FCGRT: variants seen among roughly 807,000 people sequenced by gnomAD.
FCGRT encodes the protein Fc gamma receptor and transporter.
A neutral mutation model predicts 35.7 loss-of-function variants in FCGRT; 13 were observed. The observed-to-expected ratio is 0.36, with a 90% confidence interval of 0.24 to 0.58. The LOEUF (loss-of-function observed/expected upper bound fraction) is 0.58. Ranked by LOEUF, FCGRT falls within the 20% of genes least tolerant of loss-of-function variation. The probability of loss-of-function intolerance (pLI) is 0.77; values close to 1 mark genes in which losing one functional copy is unlikely to be tolerated. For synonymous variants in FCGRT, 233 were observed against 216.5 expected (o/e 1.08, Z -0.67); for missense variants, 455 against 474.9 (o/e 0.96, Z 0.39).
intron 5 of FCGRT, 84 bp downstream of exon 5, chr19:49,524,860 C>A (rs757686523): frequency 6.2e-6 from 8 of 1,298,106 alleles, no homozygotes; most frequent in Non-Finnish European, 8.6e-6. Flanking sequence ...GTCTGACCTT[C>A]CTCCCCACTG....
At chr19:49,516,976 TCCCAGGAGTTCAA>T (rs1212608258) in intron 4 of FCGRT, among the ~76,000 whole-genome samples, 3 of 150,762 alleles carry the variant, frequency 2.0e-5, no homozygotes, top group Non-Finnish European at 4.4e-5. Context: ...GATTGCTTGA[TCCCAGGAGTTCAA>T]GACCAGCCTG....
At chr19:49,520,397 G>C (rs150009985) in intron 4 of FCGRT, among the ~76,000 whole-genome samples, 1 of 149,598 alleles carries the variant, frequency 6.7e-6, no homozygotes, top group Non-Finnish European at 1.5e-5. Flanking sequence ...GCAGGCTGGA[G>C]TACAATGGCA....
In FCGRT at chr19:49,514,691, CT is replaced by C. The variant is rs559894159; in HGVS notation, c.601+222del. 2.8e-3 allele frequency among the ~76,000 whole-genome samples: 378 copies of C among 137,004 alleles called. 2 individuals are homozygous for C. The highest frequency in any genetic ancestry group is 6.1e-3 in the African/African-American group (224 of 36,766). The allele number at this position is 137,004 out of a possible 152,430, so 89.9% of individuals were successfully genotyped here. On this transcript the variant is annotated intron_variant, in intron 4 of 6. Coordinates refer to ENST00000221466, the MANE Select transcript of FCGRT (RefSeq NM_001136019.3). ...AACTCCTGGCTTCCTTCCTTGCCTT[CT>C]TTTTTTTTTTTTTTTTGTGAGACGG...
intron 5 of FCGRT, chr19:49,525,095 C>T (rs1440851177): frequency 1.8e-6 from 1 of 560,368 alleles, no homozygotes; most frequent in South Asian, 1.7e-5. Context: ...GGAATCTGAC[C>T]ATTCGTTGTC....
At chr19:49,521,317 A>T (rs906965708) in intron 4 of FCGRT, 2 of 152,260 alleles carry the variant, frequency 1.3e-5, no homozygotes, top group Admixed American at 1.3e-4. Context: ...CACGCCTGTA[A>T]TCCCAGCACT....
rs2122675335 is a variant in FCGRT, at chr19:49,517,536, G to A, written c.601+3050G>A. ...AGAGAGGAGAGGGAGAGAGAAAGAG[G>A]AAGGAAAGGAAGGAAGGAAGGAAGG... On this transcript the variant is annotated intron_variant, in intron 4 of 6. Coordinates refer to ENST00000221466, the MANE Select transcript of FCGRT (RefSeq NM_001136019.3). Among the ~76,000 whole-genome samples, 2 of 147,054 alleles carry A rather than the reference G, an allele frequency of 1.4e-5. 1 individual carries two copies. The highest frequency in any genetic ancestry group is 3.0e-5 in the Non-Finnish European group (2 of 67,362).
At position 49,513,890 on chromosome 19, in the gene FCGRT, C is replaced by G; in HGVS notation, c.82C>G (p.Leu28Val). The change falls in exon 3 of 7, where the codon CTC (leucine) becomes GTC (valine). Residue 28 changes from leucine (L) to valine (V), a missense_variant. Physicochemically the swap from Leu to Val is conservative, Grantham distance 32. Coordinates refer to ENST00000221466, the MANE Select transcript of FCGRT (RefSeq NM_001136019.3). ...LPGSLGAESH[L>V]SLLYHLTAVS... ...TCTGTTTCTGTCTGCAGAAAGCCAC[C>G]TCTCCCTCCTGTACCACCTTACCGC... The G allele has an allele frequency of 6.3e-7, 1 of 1,596,482 alleles. No homozygotes were observed. The highest frequency in any genetic ancestry group is 8.5e-7 in the Non-Finnish European group (1 of 1,170,060).
chr19:49,513,709 C>T lies in FCGRT; in HGVS notation c.74-173C>T. 5.3e-6 allele frequency: 3 copies of T among 568,582 alleles called. No homozygotes were observed. In the East Asian group the frequency reaches 8.5e-5, roughly 16 times the overall value. The allele number at this position is 568,582 out of a possible 1,614,324, so 35.2% of individuals were successfully genotyped here. A position where few individuals can be genotyped will look rare whatever the true frequency, so the allele number is the denominator to read the frequency against. ...TCTCTGTCCCCCTCTCTTTCTGGGT[C>T]TCTTGTCTCTCTCTCTCTGGGTCTC... On this transcript the variant is annotated intron_variant, in intron 2 of 6. Coordinates refer to ENST00000221466, the MANE Select transcript of FCGRT (RefSeq NM_001136019.3).
At chr19:49,521,619 C>T (rs1056255563) in intron 4 of FCGRT, 1 of 149,612 alleles carries the variant, frequency 6.7e-6, no homozygotes, top group Non-Finnish European at 1.5e-5. Flanking sequence ...ATCCTTCTGC[C>T]TTGACCTCCC....
At chr19:49,521,050 T>C (rs1242913243) in intron 4 of FCGRT, 2 of 152,344 alleles carry the variant, frequency 1.3e-5, no homozygotes, top group African/African-American at 2.4e-5. Flanking sequence ...TGCTGAAATC[T>C]TTGCCTTTTA....
intron 4 of FCGRT, among the ~76,000 whole-genome samples, chr19:49,520,242 G>T (rs1406414951): frequency 1.3e-5 from 2 of 149,256 alleles, no homozygotes; most frequent in Admixed American, 6.8e-5. Context: ...TGATCCTCCT[G>T]CCTCAGCCTC....
In FCGRT at chr19:49,513,439, C is replaced by T. The variant is rs1162068507; in HGVS notation, c.39C>T (p.Leu13=). The T allele has an allele frequency of 3.2e-6, 4 of 1,243,918 alleles. No homozygotes were observed. The highest frequency in any genetic ancestry group is 1.6e-5 in the African/African-American group (1 of 64,268). The allele number at this position is 1,243,918 out of a possible 1,614,324, so 77.1% of individuals were successfully genotyped here. A position where few individuals can be genotyped will look rare whatever the true frequency, so the allele number is the denominator to read the frequency against. Residue 13 remains leucine (L), a synonymous_variant, in exon 2 of 7, where the codon CTC becomes CTT. Coordinates refer to ENST00000221466, the MANE Select transcript of FCGRT (RefSeq NM_001136019.3). ...VPRPQPWALG[L]LLFLLPGSLG... ...GGCCTCAGCCCTGGGCGCTGGGGCT[C>T]CTGCTCTTTCTCCTTCCTGGGAGCC...
At chr19:49,523,586 C>T (rs1463977797) in intron 4 of FCGRT, among the ~76,000 whole-genome samples, 3 of 146,622 alleles carry the variant, frequency 2.0e-5, no homozygotes, top group Non-Finnish European at 3.0e-5. Flanking sequence ...AAAGGCTAGG[C>T]GTGGTGGCTC....
chr19:49,525,981 A>G (rs763552286), intron 6 of FCGRT, 29 bp from the exon 7 acceptor site: 1 of 1,417,548 alleles, frequency 7.1e-7, no homozygotes, highest in Non-Finnish European at 1.0e-6. Context: ...AGAGATTCTG[A>G]TGACCTCTCC....
intron 4 of FCGRT, among the ~76,000 whole-genome samples, chr19:49,515,446 A>C (rs2080001997): frequency 6.6e-6 from 1 of 151,966 alleles, no homozygotes. Flanking sequence ...ATGTCTGGCT[A>C]ATTTTTATAC....
intron 4 of FCGRT, among the ~76,000 whole-genome samples, chr19:49,522,216 G>A (rs2080045162): frequency 6.6e-6 from 1 of 151,152 alleles, no homozygotes; most frequent in South Asian, 2.1e-4. Flanking sequence ...AGAGTAGGTG[G>A]GACCACAGGC....
intron 4 of FCGRT, among the ~76,000 whole-genome samples, chr19:49,518,835 G>A (rs1016525260): frequency 1.1e-4 from 17 of 151,540 alleles, no homozygotes; most frequent in African/African-American, 3.6e-4. Flanking sequence ...GCGCTCGGCC[G>A]TATTTTTGTT....
intron 5 of FCGRT, chr19:49,525,247 T>C: frequency 1.8e-6 from 1 of 558,048 alleles, no homozygotes; most frequent in Non-Finnish European, 3.3e-6. Flanking sequence ...CCATTGCCGG[T>C]GTGACCGCGG....
rs1259007230 is a variant in FCGRT, at chr19:49,513,247, C to G, written c.-14-140C>G. 3 of 399,502 alleles carry G rather than the reference C, an allele frequency of 7.5e-6. No homozygotes were observed. The South Asian group carries it at 4.2e-4, about 55-fold the overall frequency. The allele number at this position is 399,502 out of a possible 1,614,324, so 24.7% of individuals were successfully genotyped here. A position where few individuals can be genotyped will look rare whatever the true frequency, so the allele number is the denominator to read the frequency against. ...TTCAGGGGTGAAAGTTCTTCAGGTA[C>G]GAGGAGGGCATTGTTGTCAGTCTGG... On this transcript the variant is annotated intron_variant, in intron 1 of 6. Transcript: ENST00000221466.
Sources: allele counts gnomAD v4.1 joint callset (sites outside exome capture counted in the v4.1 genomes callset), GRCh38; gene constraint gnomAD v4.1.1; transcripts MANE v1.5; gene names NCBI Gene and HGNC (gene_info 2026-07-23, HGNC 2026-07-21).